The following GRM7 variants were observed in gnomAD, a reference collection of about 807,000 sequenced individuals.
GRM7 encodes glutamate metabotropic receptor 7.
A neutral mutation model predicts 84.5 loss-of-function variants in GRM7; 35 were observed. That is an observed-to-expected ratio of 0.41 (90% CI 0.32 to 0.55). GRM7 has a LOEUF of 0.55. Ranked by LOEUF, GRM7 falls within the 20% of genes least tolerant of loss-of-function variation. The pLI is 0.19. For missense variants in GRM7, 1,003 were observed against 1,194.6 expected (o/e 0.84, Z 2.36); for synonymous variants, 487 against 455.1 (o/e 1.07, Z -0.89).
At chr3:7,081,012 C>T (rs1698257928) in intron 1 of GRM7, among the ~76,000 whole-genome samples, 1 of 152,006 alleles carries the variant, frequency 6.6e-6, no homozygotes, top group Non-Finnish European at 1.5e-5. Flanking sequence ...TCTCCTTATA[C>T]CTGTGTTTAA....
chr3:7,156,364 C>T (rs1574970429), intron 2 of GRM7, among the ~76,000 whole-genome samples: 1 of 152,224 alleles, frequency 6.6e-6, no homozygotes, highest in South Asian at 2.1e-4. Context: ...TTTCCTCATG[C>T]AATGTGGGTA....
At chr3:7,538,650 G>A (rs1318389329) in intron 7 of GRM7, among the ~76,000 whole-genome samples, 6 of 152,124 alleles carry the variant, frequency 3.9e-5, no homozygotes, top group Non-Finnish European at 5.9e-5. Context: ...AAACATCACT[G>A]AGTGCCTGCA....
chr3:7,338,635 C>T (rs899817447), intron 4 of GRM7, among the ~76,000 whole-genome samples: 4 of 152,102 alleles, frequency 2.6e-5, no homozygotes, highest in African/African-American at 4.8e-5. Flanking sequence ...GGGGGACATT[C>T]GCCCTTTGAA....
intron 1 of GRM7, among the ~76,000 whole-genome samples, chr3:6,937,553 G>T (rs1461577278): frequency 2.6e-5 from 4 of 152,104 alleles, no homozygotes; most frequent in African/African-American, 7.2e-5. Flanking sequence ...ACAAATGAAG[G>T]AATGATCCTG....
intron 2 of GRM7, among the ~76,000 whole-genome samples, chr3:7,285,518 G>C (rs1699401123): frequency 6.6e-6 from 1 of 152,090 alleles, no homozygotes; most frequent in South Asian, 2.1e-4. Context: ...AGCGCAAAAT[G>C]ATAAATTATA....
chr3:7,114,974 G>C (rs1316637594), intron 1 of GRM7, among the ~76,000 whole-genome samples: 1 of 152,076 alleles, frequency 6.6e-6, no homozygotes. Context: ...AAGGAGCTCG[G>C]ATGAGGTAGT....
intron 9 of GRM7, among the ~76,000 whole-genome samples, chr3:7,719,010 A>C (rs2106517878): frequency 6.6e-6 from 1 of 152,214 alleles, no homozygotes; most frequent in Non-Finnish European, 1.5e-5. Flanking sequence ...GTAAATATTT[A>C]TTGCCTGATA....
At chr3:6,924,818 G>C (rs535656841) in intron 1 of GRM7, among the ~76,000 whole-genome samples, 1 of 152,250 alleles carries the variant, frequency 6.6e-6, no homozygotes, top group East Asian at 1.9e-4. Context: ...GGGATTCTGG[G>C]GCTGTGATAT....
chr3:6,957,225 A>G (rs558367890), intron 1 of GRM7, among the ~76,000 whole-genome samples: 1 of 152,284 alleles, frequency 6.6e-6, no homozygotes, highest in Non-Finnish European at 1.5e-5. Flanking sequence ...AGGTGTTTCC[A>G]TTTAGTTAAA....
intron 2 of GRM7, among the ~76,000 whole-genome samples, chr3:7,259,439 C>A (rs1486010355): frequency 6.6e-6 from 1 of 152,114 alleles, no homozygotes; most frequent in East Asian, 1.9e-4. Flanking sequence ...CTCCTCCCAA[C>A]TTCAACCCAG....
At chr3:7,652,522 GTTTCCTCAT>G (rs1276932501) in intron 8 of GRM7, among the ~76,000 whole-genome samples, 4 of 152,174 alleles carry the variant, frequency 2.6e-5, no homozygotes, top group Non-Finnish European at 5.9e-5. Flanking sequence ...GTCAGCGTCA[GTTTCCTCAT>G]TTGTCCAGTG....
chr3:7,563,254 C>G (rs1218600840), intron 7 of GRM7, among the ~76,000 whole-genome samples: 1 of 152,090 alleles, frequency 6.6e-6, no homozygotes, highest in Non-Finnish European at 1.5e-5. Context: ...TAGTCAGATA[C>G]AGAAGGCTCA....
intron 2 of GRM7, among the ~76,000 whole-genome samples, chr3:7,183,430 C>G (rs1456582190): frequency 6.6e-6 from 1 of 151,994 alleles, no homozygotes; most frequent in African/African-American, 2.4e-5. Flanking sequence ...AGTTCAAGAC[C>G]AGCCGGGCTA....
At chr3:6,987,389 T>C (rs1350849163) in intron 1 of GRM7, among the ~76,000 whole-genome samples, 1 of 146,278 alleles carries the variant, frequency 6.8e-6, no homozygotes, top group Admixed American at 6.7e-5. Flanking sequence ...AAATTATTGG[T>C]GCTGAAGGAC....
chr3:7,137,853 C>A (rs533344167), intron 1 of GRM7, among the ~76,000 whole-genome samples: 6 of 152,026 alleles, frequency 3.9e-5, no homozygotes, highest in African/African-American at 1.4e-4. Context: ...TAAATACATG[C>A]CATTTTAGCT....
chr3:7,253,616 TA>T (rs138776034), intron 2 of GRM7, among the ~76,000 whole-genome samples: 5,645 of 121,066 alleles, frequency 0.047, 246 homozygotes, highest in East Asian at 0.15. Context: ...AAACTCCATC[TA>T]AAAAAAAAAA....
chr3:6,976,082 G>A (rs1181333213), intron 1 of GRM7, among the ~76,000 whole-genome samples: 3 of 152,062 alleles, frequency 2.0e-5, no homozygotes, highest in East Asian at 3.9e-4. Flanking sequence ...CTCTCACTGA[G>A]CTTTCCGGTT....
chr3:7,549,617 A>G (rs1693343452), intron 7 of GRM7, among the ~76,000 whole-genome samples: 1 of 152,190 alleles, frequency 6.6e-6, no homozygotes, highest in Non-Finnish European at 1.5e-5. Context: ...ACATGGGAAG[A>G]AAAAACTTCT....
At position 7,359,385 on chromosome 3, in the gene GRM7, A is replaced by G. The variant is rs200108711; in HGVS notation, c.1033+52733A>G. 2.3e-4 allele frequency among the ~76,000 whole-genome samples: 29 copies of G among 125,312 alleles called. No individual in the cohort carries two copies. In the East Asian group the frequency reaches 6.2e-3, roughly 27 times the overall value. 82.2% of individuals were successfully genotyped at this position (125,312 alleles called of 152,430 possible). ...GTCTTGCTCTGTTGCCCATGGCTGG[A>G]GTGCAGTGGCACAATTTCGGCTCAC... On this transcript the variant is annotated intron_variant, in intron 4 of 9. Coordinates refer to ENST00000357716, the MANE Select transcript of GRM7 (RefSeq NM_000844.4).
Sources: allele counts gnomAD v4.1 joint callset (sites outside exome capture counted in the v4.1 genomes callset), GRCh38; gene constraint gnomAD v4.1.1; transcripts MANE v1.5; gene names NCBI Gene and HGNC (gene_info 2026-07-23, HGNC 2026-07-21).